The following RAPGEF1 variants were observed in gnomAD, a reference collection of about 807,000 sequenced individuals.
RAPGEF1 encodes CRK SH3-binding GNRP.
RAPGEF1 carries 33 observed loss-of-function variants against 143.3 expected under a neutral mutation model. The ratio of observed to expected loss-of-function variants is 0.23; its 90% confidence interval spans 0.17 to 0.31. The LOEUF (loss-of-function observed/expected upper bound fraction) is 0.31. RAPGEF1 is among the 10% of genes least tolerant of loss of function. The pLI, the probability that RAPGEF1 is intolerant of heterozygous loss-of-function variation, is 1.00. For missense variants in RAPGEF1, 1,199 were observed against 1,645.4 expected (o/e 0.73, Z 4.69); for synonymous variants, 629 against 676.5 (o/e 0.93, Z 1.09).
At chr9:131,644,862 G>A (rs1348842259) in intron 3 of RAPGEF1, among the ~76,000 whole-genome samples, 1 of 152,188 alleles carries the variant, frequency 6.6e-6, no homozygotes, top group Non-Finnish European at 1.5e-5. Context: ...ATGTTCAATA[G>A]TAGAGGCTTT....
At chr9:131,593,060 G>A (rs891754028) in intron 17 of RAPGEF1, among the ~76,000 whole-genome samples, 1 of 152,230 alleles carries the variant, frequency 6.6e-6, no homozygotes, top group Non-Finnish European at 1.5e-5. Flanking sequence ...TTAGATGGTA[G>A]GGTCCAATCA....
At position 131,669,487 on chromosome 9, in the gene RAPGEF1, T is replaced by G. The variant is rs1343405106; in HGVS notation, c.62-18538A>C. Among the ~76,000 whole-genome samples, 3 of 151,956 alleles carry G rather than the reference T, an allele frequency of 2.0e-5. No individual in the cohort carries two copies. The East Asian group carries it at 5.8e-4, about 29-fold the overall frequency. On this transcript the variant is annotated intron_variant, in intron 1 of 26. Transcript: ENST00000683357. Reference sequence around the variant, plus strand: ...ATCCACCCCTTCACTCCATAAACATTTACACGCAAAGCACTTGCAAGGTGC... The same window carrying G: ...ATCCACCCCTTCACTCCATAAACATGTACACGCAAAGCACTTGCAAGGTGC...
intron 1 of RAPGEF1, among the ~76,000 whole-genome samples, chr9:131,728,949 TGA>T (rs1353130006): frequency 1.3e-5 from 2 of 152,152 alleles, no homozygotes; most frequent in African/African-American, 4.8e-5. Flanking sequence ...AAGGAAAAAC[TGA>T]GAGTTAGACA....
intron 1 of RAPGEF1, among the ~76,000 whole-genome samples, chr9:131,731,520 C>T (rs1837072933): frequency 6.6e-6 from 1 of 152,176 alleles, no homozygotes; most frequent in Admixed American, 6.5e-5. Flanking sequence ...GTCAGCTGTC[C>T]TCTCTTCTCA....
At chr9:131,615,071 G>A (rs1958710273) in intron 12 of RAPGEF1, among the ~76,000 whole-genome samples, 1 of 152,188 alleles carries the variant, frequency 6.6e-6, no homozygotes, top group Non-Finnish European at 1.5e-5. Flanking sequence ...CAGTATGGAG[G>A]AAGGTGTTTT....
At position 131,675,044 on chromosome 9, in the gene RAPGEF1, CAG is replaced by C. The variant is rs1445567090; in HGVS notation, c.62-24097_62-24096del. 2.6e-5 allele frequency among the ~76,000 whole-genome samples: 4 copies of C among 152,016 alleles called. No individual in the cohort carries two copies. Among genetic ancestry groups the C allele is most frequent in the Non-Finnish European group, 5.9e-5 (4 of 68,004 alleles). On this transcript the variant is annotated intron_variant, in intron 1 of 26. Coordinates refer to ENST00000683357, the MANE Select transcript of RAPGEF1 (RefSeq NM_001377935.1). This position sits in a 1 kb window ranked among gnomAD's most constrained non-coding sequence, Gnocchi z 4.6. ...GGAGGAGCAGCTGGGAGGGAGGGAG[CAG>C]AGAGAAGGCGAGCGTCATAGCCCTT...
At position 131,586,236 on chromosome 9, in the gene RAPGEF1, G is replaced by A. The variant is rs1335584940; in HGVS notation, c.3233+1500C>T. Reference sequence around the variant, plus strand: ...CACGCACACACACACACACACACCTGCAGAGCAAGACTCTGTCTCAAACAC... The same window carrying A: ...CACGCACACACACACACACACACCTACAGAGCAAGACTCTGTCTCAAACAC... On this transcript the variant is annotated intron_variant, in intron 22 of 26. Coordinates refer to ENST00000683357, the MANE Select transcript of RAPGEF1 (RefSeq NM_001377935.1). Among the ~76,000 whole-genome samples the A allele has an allele frequency of 1.6e-4, 20 of 124,874 alleles. 1 individual carries two copies. Among genetic ancestry groups the A allele is most frequent in the African/African-American group, 6.4e-4 (19 of 29,906 alleles). The allele number at this position is 124,874 out of a possible 152,430, so 81.9% of individuals were successfully genotyped here.
chr9:131,613,171 C>G (rs900388320), intron 12 of RAPGEF1, among the ~76,000 whole-genome samples: 1 of 152,252 alleles, frequency 6.6e-6, no homozygotes, highest in Non-Finnish European at 1.5e-5. Flanking sequence ...TGTGCTCCCA[C>G]TGCACAGAGG....
chr9:131,657,346 G>A (rs1386068077), intron 1 of RAPGEF1, among the ~76,000 whole-genome samples: 2 of 152,208 alleles, frequency 1.3e-5, no homozygotes, highest in Non-Finnish European at 2.9e-5. Flanking sequence ...CCACATGACT[G>A]CTGCGTCGCA....
intron 1 of RAPGEF1, among the ~76,000 whole-genome samples, chr9:131,714,532 TACA>T (rs1348429154): frequency 1.3e-5 from 2 of 151,690 alleles, no homozygotes; most frequent in African/African-American, 2.4e-5. Flanking sequence ...TGGAGAAAAA[TACA>T]ACAATACGAG....
chr9:131,648,441 A>T (rs984706527), intron 3 of RAPGEF1, among the ~76,000 whole-genome samples: 1 of 152,172 alleles, frequency 6.6e-6, no homozygotes, highest in Non-Finnish European at 1.5e-5. Flanking sequence ...AAAGGGGGGA[A>T]ATCCCAGGAA....
In RAPGEF1 at chr9:131,626,237, G is replaced by T; in HGVS notation, c.1387C>A (p.Pro463Thr). 1.2e-6 allele frequency: 2 copies of T among 1,613,920 alleles called. No individual in the cohort carries two copies. The highest frequency in any genetic ancestry group is 1.7e-6 in the Non-Finnish European group (2 of 1,179,838). The change falls in exon 10 of 27, where the codon CCA becomes ACA. Residue 463 changes from proline to threonine, a missense_variant. By Grantham distance (38) the Pro-to-Thr change is conservative. Around this residue, in one of 6 missense-constraint regions of RAPGEF1, gnomAD observed 613 missense variants for 710.9 expected, o/e 0.86. Transcript: ENST00000683357. ...GHPQPDGPLA[P>T]GQQTDTPPAL... ...GGTGGCGTATCTGTCTGCTGCCCTG[G>T]GGCCAGAGGTCCGTCTGGCTGGGGA...
At position 131,618,989 on chromosome 9, in the gene RAPGEF1, C is replaced by T. The variant is rs533103164; in HGVS notation, c.2061+62G>A. On this transcript the variant is annotated intron_variant, in intron 12 of 26. Transcript: ENST00000683357. ...CAGCAGAACACATGGCTGAGGCACACGCTTCCAAGGAACGGCCCTGTTCAC... is the reference window on the plus strand; with the variant it reads ...CAGCAGAACACATGGCTGAGGCACATGCTTCCAAGGAACGGCCCTGTTCAC... The T allele has an allele frequency of 1.6e-5, 20 of 1,285,706 alleles. 1 individual carries two copies. Among genetic ancestry groups the T allele is most frequent in the African/African-American group, 1.1e-4 (7 of 65,882 alleles). The allele number at this position is 1,285,706 out of a possible 1,614,324, so 79.6% of individuals were successfully genotyped here.
intron 1 of RAPGEF1, among the ~76,000 whole-genome samples, chr9:131,674,271 C>G (rs1449218968): frequency 6.6e-6 from 1 of 152,124 alleles, no homozygotes. Context: ...TTGTTAAAAT[C>G]GGGGGTGCTT....
At chr9:131,622,067 C>G in intron 10 of RAPGEF1, 69 bp from the exon 11 acceptor site, 5 of 1,415,014 alleles carry the variant, frequency 3.5e-6, no homozygotes, top group Non-Finnish European at 4.9e-6. Flanking sequence ...TCCCCCCATT[C>G]TTCCCACAGC....
At chr9:131,694,256 C>T (rs184010519) in intron 1 of RAPGEF1, among the ~76,000 whole-genome samples, 7 of 152,262 alleles carry the variant, frequency 4.6e-5, no homozygotes. Context: ...CTTTTTCAGT[C>T]AGGGTTCCAG....
Position 131,577,926 on chromosome 9 carries a change from C to G in RAPGEF1, c.*1571G>C, listed in dbSNP as rs1951382273. The G allele has an allele frequency of 6.6e-6, 1 of 152,156 alleles. No homozygotes were observed. Among genetic ancestry groups the G allele is most frequent in the African/African-American group, 2.4e-5 (1 of 41,440 alleles). 9.4% of individuals were successfully genotyped at this position (152,156 alleles called of 1,614,324 possible). On this transcript the variant is annotated 3_prime_UTR_variant, in exon 27 of 27. Coordinates refer to ENST00000683357, the MANE Select transcript of RAPGEF1 (RefSeq NM_001377935.1). ...CATTTTCTTCTTGATAAATGCTGTT[C>G]AAAAACCCATGAAGGACTCAAAGTG...
At chr9:131,656,437 C>T (rs1564635208) in intron 1 of RAPGEF1, among the ~76,000 whole-genome samples, 1 of 152,200 alleles carries the variant, frequency 6.6e-6, no homozygotes, top group African/African-American at 2.4e-5. Flanking sequence ...AGGCAGGTTC[C>T]CAAGTCAGAT....
chr9:131,597,119 C>T (rs1177120203), intron 16 of RAPGEF1, among the ~76,000 whole-genome samples: 1 of 152,194 alleles, frequency 6.6e-6, no homozygotes, highest in Non-Finnish European at 1.5e-5. Context: ...TGTTTCTGCC[C>T]CTGGCCCTCA....
Sources: allele counts gnomAD v4.1 joint callset (sites outside exome capture counted in the v4.1 genomes callset), GRCh38; gene constraint gnomAD v4.1.1; regional missense constraint gnomAD v4.1.1; non-coding constraint Gnocchi (gnomAD v3.1); transcripts MANE v1.5; gene names NCBI Gene and HGNC (gene_info 2026-07-23, HGNC 2026-07-21).